APBB2: variants seen among roughly 807,000 people sequenced by gnomAD.
APBB2 encodes amyloid beta precursor protein binding family B member 2.
A neutral mutation model predicts 82.5 loss-of-function variants in APBB2; 38 were observed. The observed-to-expected ratio is 0.46, with a 90% CI of 0.36 to 0.60. APBB2 has a LOEUF of 0.60. APBB2 is among the 20% of genes least tolerant of loss of function. The pLI is 0.00. For synonymous variants in APBB2, 341 were observed against 368.2 expected (o/e 0.93, Z 0.85); for missense variants, 772 against 972.3 (o/e 0.79, Z 2.74).
intron 3 of APBB2, among the ~76,000 whole-genome samples, chr4:41,098,400 C>G (rs1405555390): frequency 6.6e-6 from 1 of 152,126 alleles, no homozygotes; most frequent in Non-Finnish European, 1.5e-5. Flanking sequence ...CCAGGCTAGT[C>G]TTGAGCTCTT....
intron 3 of APBB2, among the ~76,000 whole-genome samples, chr4:41,093,264 C>T (rs1386149479): frequency 6.6e-6 from 1 of 152,190 alleles, no homozygotes; most frequent in African/African-American, 2.4e-5. Context: ...CTCCTTAGGG[C>T]TCATGAGAGT....
chr4:41,116,767 C>T (rs191701153), intron 2 of APBB2, among the ~76,000 whole-genome samples: 119 of 152,228 alleles, frequency 7.8e-4, no homozygotes, highest in African/African-American at 2.7e-3. Flanking sequence ...GTTCATTGTA[C>T]TGTTCTTTTT....
At chr4:41,016,363 T>A (rs532228415) in intron 5 of APBB2, among the ~76,000 whole-genome samples, 1 of 152,344 alleles carries the variant, frequency 6.6e-6, no homozygotes, top group South Asian at 2.1e-4. Flanking sequence ...ATATGACAGA[T>A]TAAGACTTCT....
Position 40,887,520 on chromosome 4 carries a change from A to G in APBB2, c.1529+2844T>C, listed in dbSNP as rs1048712934. On this transcript the variant is annotated intron_variant, in intron 12 of 17. Transcript: ENST00000508593. ...TTTCCTTTGCAACATTACAAATTGA[A>G]TTTGCTCTTGTAAATTGCTGTTAAG... Among the ~76,000 whole-genome samples the G allele has an allele frequency of 2.0e-5, 3 of 152,164 alleles. No homozygotes were observed. In the East Asian group the frequency reaches 5.8e-4, roughly 29 times the overall value.
At chr4:40,895,973 G>A (rs371929653) in intron 10 of APBB2, among the ~76,000 whole-genome samples, 1 of 152,176 alleles carries the variant, frequency 6.6e-6, no homozygotes, top group African/African-American at 2.4e-5. Context: ...TAACCACTTT[G>A]CTATATGCCT....
chr4:41,069,571 A>G (rs1456064870), intron 3 of APBB2, among the ~76,000 whole-genome samples: 1 of 152,230 alleles, frequency 6.6e-6, no homozygotes, highest in East Asian at 1.9e-4. Context: ...TGCTATCTGC[A>G]CTGAAGTCAG....
In APBB2 at chr4:40,922,152, T is replaced by A. The variant is rs997926007; in HGVS notation, c.1254+12304A>T. On this transcript the variant is annotated intron_variant, in intron 10 of 17. Coordinates refer to ENST00000508593, the MANE Select transcript of APBB2 (RefSeq NM_004307.2). Reference sequence around the variant, plus strand: ...TATGTGTTAGGGCTTAGTGAACTCATCTAACCGAACTGCTTCAACATGAAG... The same window carrying A: ...TATGTGTTAGGGCTTAGTGAACTCAACTAACCGAACTGCTTCAACATGAAG... Among the ~76,000 whole-genome samples the A allele has an allele frequency of 3.3e-5, 5 of 152,348 alleles. No individual in the cohort carries two copies. In the East Asian group the frequency reaches 9.6e-4, roughly 29 times the overall value.
intron 1 of APBB2, among the ~76,000 whole-genome samples, chr4:41,162,196 G>A (rs1053744088): frequency 2.4e-4 from 33 of 135,732 alleles, no homozygotes; most frequent in African/African-American, 8.9e-4. Context: ...AAATTTCCCC[G>A]TCTTTTTTTT....
intron 1 of APBB2, among the ~76,000 whole-genome samples, chr4:41,169,253 A>T (rs1045714990): frequency 6.6e-6 from 1 of 150,556 alleles, no homozygotes; most frequent in African/African-American, 2.4e-5. Context: ...ACAGAGAGGG[A>T]GGTAAAGTAA....
At chr4:41,196,076 G>A in intron 1 of APBB2, among the ~76,000 whole-genome samples, 13 of 151,786 alleles carry the variant, frequency 8.6e-5, no homozygotes, top group South Asian at 6.3e-4. Context: ...AGAGAATGGC[G>A]TGAACCCGGG....
chr4:40,968,135 G>T (rs1795107348), intron 6 of APBB2, among the ~76,000 whole-genome samples: 2 of 152,176 alleles, frequency 1.3e-5, no homozygotes, highest in Non-Finnish European at 2.9e-5. Context: ...GCCCTTTAAG[G>T]TTGGTGTCAT....
At chr4:40,891,881 A>C (rs78222418) in intron 11 of APBB2, among the ~76,000 whole-genome samples, 3,743 of 152,172 alleles carry the variant, frequency 0.025, 160 homozygotes, top group African/African-American at 0.085. Context: ...AAGAAAGAAC[A>C]GCAGTTTTGA....
chr4:40,836,020 T>C (rs1753806616), intron 12 of APBB2, among the ~76,000 whole-genome samples: 1 of 151,942 alleles, frequency 6.6e-6, no homozygotes, highest in African/African-American at 2.4e-5. Context: ...AGCTCCAGGG[T>C]GGACAAGACG....
intron 12 of APBB2, among the ~76,000 whole-genome samples, chr4:40,858,506 A>G (rs1369159787): frequency 6.6e-6 from 1 of 150,852 alleles, no homozygotes; most frequent in Non-Finnish European, 1.5e-5. Context: ...CATATTAGCC[A>G]TGTTTTTGGC....
intron 1 of APBB2, among the ~76,000 whole-genome samples, chr4:41,149,983 T>C (rs1424690046): frequency 6.6e-6 from 1 of 152,172 alleles, no homozygotes; most frequent in African/African-American, 2.4e-5. Flanking sequence ...TCTTTCTCCT[T>C]ATAAATTACC....
intron 2 of APBB2, among the ~76,000 whole-genome samples, chr4:41,116,923 AC>A (rs1751177935): frequency 2.0e-5 from 3 of 152,124 alleles, no homozygotes; most frequent in Non-Finnish European, 4.4e-5. Flanking sequence ...CCTCCAAAAG[AC>A]ATTCTCACAC....
chr4:41,150,398 A>T (rs2154027159), intron 1 of APBB2, among the ~76,000 whole-genome samples: 1 of 152,306 alleles, frequency 6.6e-6, no homozygotes, highest in Non-Finnish European at 1.5e-5. Context: ...CTTCATCAAA[A>T]CTAGACTACC....
intron 6 of APBB2, among the ~76,000 whole-genome samples, chr4:41,002,573 A>G (rs1018523579): frequency 6.6e-4 from 101 of 152,224 alleles, no homozygotes; most frequent in African/African-American, 2.4e-3. Flanking sequence ...TGCAAGCTCA[A>G]TGCCTTGAGC....
At chr4:40,870,398 C>A (rs920203175) in intron 12 of APBB2, among the ~76,000 whole-genome samples, 4 of 152,162 alleles carry the variant, frequency 2.6e-5, no homozygotes, top group Admixed American at 6.5e-5. Flanking sequence ...CATCGGGGTT[C>A]CAAAGCTTCC....
Sources: gnomAD v4.1 joint callset for allele counts (sites outside exome capture counted in the v4.1 genomes callset) on GRCh38, gnomAD v4.1.1 for gene constraint, MANE v1.5 for transcripts, NCBI Gene and HGNC (gene_info 2026-07-23, HGNC 2026-07-21) for gene names.